Variants in MAN1B1 observed in about 807,000 individuals in gnomAD.
MAN1B1 encodes the protein endoplasmic reticulum mannosyl-oligosaccharide 1,2-alpha-mannosidase.
MAN1B1 carries 66 observed loss-of-function variants against 75.5 expected under a neutral mutation model. The ratio of observed to expected loss-of-function variants is 0.87; its 90% CI spans 0.72 to 1.07. MAN1B1 has a LOEUF of 1.07. MAN1B1 is among the 50% of genes least tolerant of loss of function. The pLI is 0.00. For synonymous variants in MAN1B1, 453 were observed against 382.8 expected (o/e 1.18, Z -2.14); for missense variants, 973 against 912.5 (o/e 1.07, Z -0.85).
chr9:137,103,078 C>T (rs938105999), intron 8 of MAN1B1: 2 of 443,480 alleles, frequency 4.5e-6, no homozygotes, highest in Non-Finnish European at 4.5e-6. Context: ...CACACATTCA[C>T]ACTTGCAGGC....
At chr9:137,089,794 G>A (rs563663398) in intron 3 of MAN1B1, among the ~76,000 whole-genome samples, 2 of 152,124 alleles carry the variant, frequency 1.3e-5, no homozygotes, top group Non-Finnish European at 2.9e-5. Context: ...GGAGAAGGAG[G>A]GTGAGTCCCC....
In MAN1B1 at chr9:137,088,179, GA is replaced by G; in HGVS notation, c.327del (p.Ala110LeufsTer6). 6.2e-7 allele frequency: 1 copy of G among 1,614,126 alleles called. No individual in the cohort carries two copies. The highest frequency in any genetic ancestry group is 8.5e-7 in the Non-Finnish European group (1 of 1,180,022). On this transcript the variant is annotated frameshift_variant, in exon 2 of 13. Coordinates refer to ENST00000371589, the MANE Select transcript of MAN1B1 (RefSeq NM_016219.5). LOFTEE classifies it high-confidence loss of function. ...TCTACATCAACTTGGCTGACCATTG[GA>G]AAGGTATCAGAAACACGTGTACTTG... ...LFYINLADHW[K>X]ALAFRLEEEQ...
Position 137,099,744 on chromosome 9 carries a change from C to A in MAN1B1, c.779C>A (p.Ala260Glu). The change falls in exon 6 of 13, where the codon GCA becomes GAA. Residue 260 changes from alanine to glutamate, a missense_variant. Coordinates refer to ENST00000371589, the MANE Select transcript of MAN1B1 (RefSeq NM_016219.5). Reference sequence around the variant, plus strand: ...GGCGTGATTGACGTCTTCCTGCATGCATGGAAAGGATACCGCAAGTTTGCA... The same window carrying A: ...GGCGTGATTGACGTCTTCCTGCATGAATGGAAAGGATACCGCAAGTTTGCA... ...QKGVIDVFLH[A>E]WKGYRKFAWG... is the part of the protein sequence containing the mutation. The A allele has an allele frequency of 6.2e-7, 1 of 1,614,248 alleles. No individual in the cohort carries two copies. The highest frequency in any genetic ancestry group is 8.5e-7 in the Non-Finnish European group (1 of 1,180,050).
chr9:137,102,991 CTT>C (rs1830924021), intron 8 of MAN1B1: 4 of 141,720 alleles, frequency 2.8e-5, no homozygotes, highest in Non-Finnish European at 4.5e-5. Flanking sequence ...GGTCGGTGGT[CTT>C]ACATTCATAC....
chr9:137,093,243 A>G (rs1474396040), intron 3 of MAN1B1, among the ~76,000 whole-genome samples: 1 of 152,078 alleles, frequency 6.6e-6, no homozygotes, highest in African/African-American at 2.4e-5. Context: ...AAAATACACA[A>G]ATTAGCCAGG....
chr9:137,106,870 T>A, intron 10 of MAN1B1, 61 bp downstream of exon 10: 1 of 1,552,944 alleles, frequency 6.4e-7, no homozygotes, highest in Non-Finnish European at 8.6e-7. Context: ...CCAAGGTGCC[T>A]GAGTCATGAT....
At chr9:137,087,384 G>T in intron 1 of MAN1B1, 166 bp downstream of exon 1, 2 of 879,288 alleles carry the variant, frequency 2.3e-6, no homozygotes, top group Non-Finnish European at 1.8e-6. Flanking sequence ...GGTTGGGGCA[G>T]CCGTGGGCGG....
intron 4 of MAN1B1, 21 bp downstream of exon 4, chr9:137,096,412 T>C: frequency 2.5e-6 from 4 of 1,612,194 alleles, no homozygotes; most frequent in South Asian, 1.1e-5. Flanking sequence ...CAGGGCAGGC[T>C]GCACGCCGCC....
chr9:137,102,203 G>C, intron 8 of MAN1B1: 1 of 119,600 alleles, frequency 8.4e-6, no homozygotes, highest in Admixed American at 1.1e-4. Flanking sequence ...GGTGTTACAC[G>C]TGCTGTTGCA....
chr9:137,091,468 A>T (rs143069776), intron 3 of MAN1B1, among the ~76,000 whole-genome samples: 1 of 148,194 alleles, frequency 6.7e-6, no homozygotes, highest in Non-Finnish European at 1.5e-5. Context: ...TTTAGGCCAG[A>T]TCCCTTTCTG....
rs1178781828 is a variant in MAN1B1 at position 137,108,862 on chromosome 9, C to T, written c.*271C>T. On this transcript the variant is annotated 3_prime_UTR_variant, in exon 13 of 13. Transcript: ENST00000371589. ...AATCATGACTCACGATTGCTGAAGC[C>T]TGAGCAGGTCTCTGTGGGCCGACCA... 1 of 615,480 alleles carries T rather than the reference C, an allele frequency of 1.6e-6. No individual in the cohort carries two copies. Among genetic ancestry groups the T allele is most frequent in the African/African-American group, 1.8e-5 (1 of 55,182 alleles). 38.1% of individuals were successfully genotyped at this position (615,480 alleles called of 1,614,324 possible). A position where few individuals can be genotyped will look rare whatever the true frequency, so the allele number is the denominator to read the frequency against.
intron 5 of MAN1B1, among the ~76,000 whole-genome samples, chr9:137,098,330 G>T (rs577463153): frequency 3.9e-5 from 6 of 152,344 alleles, no homozygotes; most frequent in Non-Finnish European, 8.8e-5. Flanking sequence ...GCCAAGCTCA[G>T]TGCATGACCT....
intron 10 of MAN1B1, 191 bp from the exon 11 acceptor site, chr9:137,107,059 G>GTT: frequency 1.3e-6 from 1 of 755,306 alleles, no homozygotes; most frequent in Non-Finnish European, 2.1e-6. Flanking sequence ...GTCCTCGGGC[G>GTT]GTGTGTGGGG....
chr9:137,093,099 G>C (rs530198457), intron 3 of MAN1B1, among the ~76,000 whole-genome samples: 189 of 152,290 alleles, frequency 1.2e-3, no homozygotes, highest in African/African-American at 4.5e-3. Context: ...ATTGAAAAGA[G>C]ATCTCAGGAG....
rs369311368 is a variant in MAN1B1, at chr9:137,096,188, G to A, written c.466-49G>A. On this transcript the variant is annotated intron_variant, in intron 3 of 12. Coordinates refer to ENST00000371589, the MANE Select transcript of MAN1B1 (RefSeq NM_016219.5). Reference sequence around the variant, plus strand: ...GGGCGTCCCATAGAGGGAAAGAAGGGCAGCTCGCAGACACCCCGTGATTTC... The same window carrying A: ...GGGCGTCCCATAGAGGGAAAGAAGGACAGCTCGCAGACACCCCGTGATTTC... The A allele has an allele frequency of 1.1e-5, 17 of 1,608,722 alleles. No individual in the cohort carries two copies. In the African/African-American group the frequency reaches 1.9e-4, roughly 18 times the overall value.
rs199889780 is a variant in MAN1B1 at position 137,096,221 on chromosome 9, A to G, written c.466-16A>G. ...CAGACACCCCGTGATTTCCTGTGTGACCAATTTCTCTACAGAAGACACAAA... is the reference window on the plus strand; with the variant it reads ...CAGACACCCCGTGATTTCCTGTGTGGCCAATTTCTCTACAGAAGACACAAA... On this transcript the variant is annotated splice_polypyrimidine_tract_variant and intron_variant, in intron 3 of 12. Transcript: ENST00000371589. 56 of 1,614,116 alleles carry G rather than the reference A, an allele frequency of 3.5e-5. No homozygotes were observed. In the East Asian group the frequency reaches 1.2e-3, roughly 36 times the overall value.
intron 8 of MAN1B1, chr9:137,101,892 C>T (rs200275275): frequency 5.9e-6 from 4 of 679,822 alleles, no homozygotes; most frequent in Non-Finnish European, 1.1e-5. Context: ...TACACACATT[C>T]ACACTGTTGC....
intron 3 of MAN1B1, among the ~76,000 whole-genome samples, chr9:137,090,263 A>G (rs1830482101): frequency 6.6e-6 from 1 of 152,148 alleles, no homozygotes; most frequent in Non-Finnish European, 1.5e-5. Flanking sequence ...TGTTGTTGGT[A>G]CATCTGTGAT....
Position 137,106,347 on chromosome 9 carries a change from C to T in MAN1B1, c.1445+32C>T, listed in dbSNP as rs747535986. 41 of 1,535,310 alleles carry T rather than the reference C, an allele frequency of 2.7e-5. No homozygotes were observed. In the East Asian group the frequency reaches 3.9e-4, roughly 15 times the overall value. The stretch of plus-strand genomic sequence containing the variant: ...CCCGGCCCGCTGCCCCCAGCTCCCG[C>T]GGCTCCCCCGTTCCCGCAGCCCCCC... On this transcript the variant is annotated intron_variant, in intron 9 of 12. Transcript: ENST00000371589.
Sources: gnomAD v4.1 joint callset for allele counts (sites outside exome capture counted in the v4.1 genomes callset) on GRCh38, gnomAD v4.1.1 for gene constraint, MANE v1.5 for transcripts, NCBI Gene and HGNC (gene_info 2026-07-23, HGNC 2026-07-21) for gene names.